The following HHAT variants were observed in gnomAD, a reference collection of about 807,000 sequenced individuals.
HHAT encodes hedgehog acyltransferase, also known as protein-cysteine N-palmitoyltransferase HHAT.
A neutral mutation model predicts 70.8 loss-of-function variants in HHAT; 47 were observed. The observed-to-expected ratio is 0.66, with a 90% CI of 0.53 to 0.85. HHAT has a LOEUF of 0.85. Among genes scored for constraint, HHAT ranks in the 40% least tolerant of loss-of-function variants. The pLI is 0.00. For synonymous variants in HHAT, 228 were observed against 247.6 expected (o/e 0.92, Z 0.74); for missense variants, 609 against 604.8 (o/e 1.01, Z -0.07).
chr1:210,676,253 A>G lies in HHAT; in HGVS notation c.*1874A>G, dbSNP rs1269894653. ...TCTTTTAAACTATTATATGATTCAT[A>G]ATGGTTCTCAGGAATTAATAAATGA... On this transcript the variant is annotated 3_prime_UTR_variant, in exon 12 of 12. Coordinates refer to ENST00000261458, the MANE Select transcript of HHAT (RefSeq NM_018194.6). 1 of 152,232 alleles carries G rather than the reference A, an allele frequency of 6.6e-6. No individual in the cohort carries two copies. Among genetic ancestry groups the G allele is most frequent in the Non-Finnish European group, 1.5e-5 (1 of 68,046 alleles). The allele number at this position is 152,232 out of a possible 1,614,324, so 9.4% of individuals were successfully genotyped here. A position where few individuals can be genotyped will look rare whatever the true frequency, so the allele number is the denominator to read the frequency against.
intron 8 of HHAT, among the ~76,000 whole-genome samples, chr1:210,479,683 T>G (rs2094361850): frequency 1.3e-5 from 2 of 152,246 alleles, no homozygotes; most frequent in Admixed American, 6.5e-5. Context: ...CTTTAAAATG[T>G]AAATATTGTG....
At chr1:210,376,014 A>ATTT (rs57707354) in intron 3 of HHAT, among the ~76,000 whole-genome samples, 54 of 108,884 alleles carry the variant, frequency 5.0e-4, no homozygotes, top group African/African-American at 1.3e-3. Context: ...TGCACAGCTA[A>ATTT]TTTTTTTTTT....
intron 9 of HHAT, among the ~76,000 whole-genome samples, chr1:210,524,328 G>A (rs2148615231): frequency 6.6e-6 from 1 of 152,324 alleles, no homozygotes; most frequent in East Asian, 1.9e-4. Flanking sequence ...GATGGAGGGT[G>A]CAGGTGTGAG....
chr1:210,453,371 A>G (rs1010756824), intron 7 of HHAT, among the ~76,000 whole-genome samples: 5 of 152,234 alleles, frequency 3.3e-5, no homozygotes, highest in Non-Finnish European at 7.3e-5. Flanking sequence ...TTGACTGTTC[A>G]ATTACAGATA....
intron 8 of HHAT, among the ~76,000 whole-genome samples, chr1:210,495,810 C>T (rs2094628285): frequency 6.6e-6 from 1 of 151,952 alleles, no homozygotes; most frequent in Non-Finnish European, 1.5e-5. Flanking sequence ...GAGTTCAAGA[C>T]CAGCCTGGCC....
intron 8 of HHAT, among the ~76,000 whole-genome samples, chr1:210,499,033 G>C (rs2094704342): frequency 6.6e-6 from 1 of 152,072 alleles, no homozygotes; most frequent in Admixed American, 6.5e-5. Context: ...CTCTCAAAGT[G>C]CTGGGATTAC....
chr1:210,614,276 G>T (rs1385973772), intron 10 of HHAT, among the ~76,000 whole-genome samples: 1 of 151,988 alleles, frequency 6.6e-6, no homozygotes, highest in Admixed American at 6.6e-5. Flanking sequence ...TTTGTATCCT[G>T]CAACTTTGCT....
chr1:210,655,611 C>T (rs1676221498), intron 11 of HHAT, among the ~76,000 whole-genome samples: 1 of 152,338 alleles, frequency 6.6e-6, no homozygotes. Flanking sequence ...ATTGTGGCAA[C>T]AGAGGTTCCC....
intron 4 of HHAT, among the ~76,000 whole-genome samples, chr1:210,394,635 G>A (rs73071973): frequency 0.019 from 2,844 of 152,190 alleles, 81 homozygotes; most frequent in African/African-American, 0.066. Context: ...TGCCTCTGAC[G>A]GGAGAACCCA....
chr1:210,532,262 G>A (rs2095322706), intron 9 of HHAT, among the ~76,000 whole-genome samples: 1 of 152,162 alleles, frequency 6.6e-6, no homozygotes. Context: ...ATTTAGCTGA[G>A]AAAGTGCATC....
intron 11 of HHAT, among the ~76,000 whole-genome samples, chr1:210,632,089 C>T (rs181631347): frequency 3.3e-4 from 50 of 152,262 alleles, no homozygotes; most frequent in African/African-American, 1.2e-3. Flanking sequence ...GCCCTGATCA[C>T]ATTAGCTGCT....
chr1:210,437,505 A>T (rs1460246104), intron 7 of HHAT, among the ~76,000 whole-genome samples: 1 of 151,836 alleles, frequency 6.6e-6, no homozygotes. Context: ...CCGGCAAATT[A>T]GGGACTCAGC....
intron 1 of HHAT, among the ~76,000 whole-genome samples, chr1:210,340,242 G>GGGGGGAAAAAAAAAA (rs1553313987): frequency 8.0e-5 from 8 of 99,782 alleles, no homozygotes; most frequent in African/African-American, 2.7e-4. Context: ...CTCTGTCTCA[G>GGGGGGAAAAAAAAAA]AAAAAAAAAA....
At chr1:210,387,743 A>T (rs1465813711) in intron 4 of HHAT, among the ~76,000 whole-genome samples, 162 bp downstream of exon 4, 2 of 152,234 alleles carry the variant, frequency 1.3e-5, no homozygotes, top group Non-Finnish European at 2.9e-5. Context: ...ATAAAAGTTC[A>T]TAGTTCATAT....
chr1:210,358,284 C>G (rs900659972), intron 2 of HHAT, among the ~76,000 whole-genome samples: 3 of 152,244 alleles, frequency 2.0e-5, no homozygotes, highest in Non-Finnish European at 4.4e-5. Context: ...GCAAATTAAG[C>G]ACCTGGTGGT....
At chr1:210,629,666 T>C (rs1392877597) in intron 11 of HHAT, among the ~76,000 whole-genome samples, 3 of 152,192 alleles carry the variant, frequency 2.0e-5, no homozygotes, top group East Asian at 3.9e-4. Flanking sequence ...GCTGTTTCCT[T>C]ACCTTTTCCA....
At chr1:210,362,172 G>A (rs964116687) in intron 2 of HHAT, among the ~76,000 whole-genome samples, 1 of 151,196 alleles carries the variant, frequency 6.6e-6, no homozygotes, top group Admixed American at 6.6e-5. Context: ...ATTATATTTT[G>A]TTAGCATTAT....
chr1:210,559,899 TTTCTAATGAGG>T (rs1488422052), intron 9 of HHAT, among the ~76,000 whole-genome samples: 1 of 152,210 alleles, frequency 6.6e-6, no homozygotes, highest in Non-Finnish European at 1.5e-5. Flanking sequence ...CCCAAAGACA[TTTCTAATGAGG>T]TTGAAAGCCT....
chr1:210,446,225 T>G (rs948984783), intron 7 of HHAT, among the ~76,000 whole-genome samples: 2 of 152,208 alleles, frequency 1.3e-5, no homozygotes, highest in African/African-American at 4.8e-5. Context: ...CTTACAGGGC[T>G]TCTTGGAGGT....
Sources: allele counts gnomAD v4.1 joint callset (sites outside exome capture counted in the v4.1 genomes callset), GRCh38; gene constraint gnomAD v4.1.1; transcripts MANE v1.5; gene names NCBI Gene and HGNC (gene_info 2026-07-23, HGNC 2026-07-21).